WDR6: variants seen among roughly 807,000 people sequenced by gnomAD.
WDR6 encodes the protein tRNA (34-2'-O)-methyltransferase regulator WDR6.
Under a neutral mutation model 85.6 loss-of-function variants are expected in WDR6, and 58 were observed. The ratio of observed to expected loss-of-function variants is 0.68; its 90% CI spans 0.55 to 0.84. WDR6 has a LOEUF of 0.84. WDR6 is among the 40% of genes least tolerant of loss of function. The probability of loss-of-function intolerance (pLI) is 0.00; values close to 1 mark genes in which losing one functional copy is unlikely to be tolerated. For missense variants in WDR6, 1,310 were observed against 1,476.4 expected (o/e 0.89, Z 1.85); for synonymous variants, 569 against 582.2 (o/e 0.98, Z 0.33).
chr3:49,011,325 C>T (rs1408586386), intron 1 of WDR6: 10 of 701,680 alleles, frequency 1.4e-5, no homozygotes, highest in South Asian at 5.3e-5. Flanking sequence ...GTGATTCATC[C>T]GCCTGGGCTT....
At chr3:49,010,675 C>G (rs935893892) in intron 1 of WDR6, among the ~76,000 whole-genome samples, 4 of 151,568 alleles carry the variant, frequency 2.6e-5, no homozygotes, top group Non-Finnish European at 4.4e-5. Flanking sequence ...ACGGTGAAAC[C>G]CTGTCTCTAT....
chr3:49,011,368 C>G (rs1045945941), intron 1 of WDR6: 1 of 1,258,144 alleles, frequency 7.9e-7, no homozygotes, highest in African/African-American at 1.5e-5. Flanking sequence ...CGTGAGCCAC[C>G]GTGCCTGGCC....
rs542924135 is a variant in WDR6, at chr3:49,014,995, G to A, written c.3073G>A (p.Glu1025Lys). 6 of 1,614,188 alleles carry A rather than the reference G, an allele frequency of 3.7e-6. 1 individual carries two copies. The South Asian group carries it at 5.5e-5, about 15-fold the overall frequency. The change falls in exon 6 of 6, where the codon GAG becomes AAG. Residue 1025 changes from glutamate to lysine, a missense_variant. Glu to Lys is a moderately conservative substitution (Grantham distance 56). Transcript: ENST00000608424. The surrounding 1 kb of genome is among the most constrained non-coding windows in gnomAD (Gnocchi z 4.9). ...EMLQLEEAVGEAGLVPQLRVL... is the reference protein window; with the variant it reads ...EMLQLEEAVGKAGLVPQLRVL... ...GCTACAGCTAGAAGAGGCTGTGGGA[G>A]AGGCTGGGCTGGTACCCCAGCTGCG...
Position 49,013,836 on chromosome 3 carries a change from A to C in WDR6, c.2302A>C (p.Thr768Pro). 1 of 1,614,020 alleles carries C rather than the reference A, an allele frequency of 6.2e-7. No homozygotes were observed. Among genetic ancestry groups the C allele is most frequent in the Non-Finnish European group, 8.5e-7 (1 of 1,180,000 alleles). ...PTTTGSAHAL[T>P]AVCNHISSVR... Reference sequence around the variant, plus strand: ...AACCACAGGCTCAGCCCACGCACTCACAGCTGTTTGTAACCATATCTCCTC... The same window carrying C: ...AACCACAGGCTCAGCCCACGCACTCCCAGCTGTTTGTAACCATATCTCCTC... The change falls in exon 2 of 6, where the codon ACA becomes CCA. Residue 768 changes from threonine (T) to proline (P), a missense_variant. Thr to Pro is a conservative substitution (Grantham distance 38). Transcript: ENST00000608424. The surrounding 1 kb of genome is among the most constrained non-coding windows in gnomAD (Gnocchi z 4.6).
In WDR6 at chr3:49,012,074, T is replaced by G. The variant is rs541625563; in HGVS notation, c.540T>G (p.Val180=). Residue 180 remains valine, a synonymous_variant, in exon 2 of 6, where the codon GTT becomes GTG. Transcript: ENST00000608424. This position sits in a 1 kb window ranked among gnomAD's most constrained non-coding sequence, Gnocchi z 4.4. ...WKELTIVAGA[V]SNQLLVWYPA... ...AGCTGACCATAGTGGCAGGTGCTGT[T>G]TCCAACCAGCTCTTGGTCTGGTACC... The G allele has an allele frequency of 4.6e-5, 74 of 1,613,760 alleles. No individual in the cohort carries two copies. The South Asian group carries it at 8.1e-4, about 18-fold the overall frequency.
At chr3:49,010,522 C>T (rs1015212310) in intron 1 of WDR6, among the ~76,000 whole-genome samples, 4 of 151,920 alleles carry the variant, frequency 2.6e-5, no homozygotes, top group African/African-American at 9.7e-5. Context: ...TCGAGACCAG[C>T]GTGGCCAACA....
rs757036832 is a variant in WDR6, at chr3:49,015,785, C to T, written c.*497C>T. 23 of 1,614,010 alleles carry T rather than the reference C, an allele frequency of 1.4e-5. No homozygotes were observed. The highest frequency in any genetic ancestry group is 1.6e-4 in the Middle Eastern group (1 of 6,084). Reference sequence around the variant, plus strand: ...CTATACCTCTCTGCACGTCCCACCCCATTTTGCTGTGTGCTCACCCCCAGG... The same window carrying T: ...CTATACCTCTCTGCACGTCCCACCCTATTTTGCTGTGTGCTCACCCCCAGG... On this transcript the variant is annotated 3_prime_UTR_variant, in exon 6 of 6. Coordinates refer to ENST00000608424, the MANE Select transcript of WDR6 (RefSeq NM_018031.6).
chr3:49,011,394 C>CTT (rs369551484), intron 1 of WDR6: 2,186 of 1,134,710 alleles, frequency 1.9e-3, no homozygotes, highest in South Asian at 3.2e-3. Context: ...CAAGGATTTT[C>CTT]TTTTTTTTTT....
At chr3:49,008,423 C>G (rs1183039088) in intron 1 of WDR6, 1 of 152,220 alleles carries the variant, frequency 6.6e-6, no homozygotes, top group East Asian at 1.9e-4. Flanking sequence ...TGGGGATGAT[C>G]CAGTTTTGAT....
At chr3:49,009,385 C>T (rs1044554886) in intron 1 of WDR6, among the ~76,000 whole-genome samples, 2 of 139,394 alleles carry the variant, frequency 1.4e-5, no homozygotes, top group Non-Finnish European at 1.5e-5. Flanking sequence ...TGCTGCTTAT[C>T]CTTGAATCCT....
At chr3:49,011,410 T>TAG in intron 1 of WDR6, 1 of 1,421,418 alleles carries the variant, frequency 7.0e-7, no homozygotes, top group African/African-American at 1.5e-5. Flanking sequence ...TTTTTTTTTC[T>TAG]TTTGAGACAG....
Position 49,015,740 on chromosome 3 carries a change from C to G in WDR6, c.*452C>G, listed in dbSNP as rs766831505. 6.2e-6 allele frequency: 10 copies of G among 1,614,012 alleles called. No homozygotes were observed. The highest frequency in any genetic ancestry group is 7.6e-6 in the Non-Finnish European group (9 of 1,180,022). ...AGAAAGGGCCTGCTGGTCTCATCCT[C>G]TGCTTCCTTTGCCTTTACCCTATAC... On this transcript the variant is annotated 3_prime_UTR_variant, in exon 6 of 6. Transcript: ENST00000608424.
chr3:49,015,522 G>T lies in WDR6; in HGVS notation c.*234G>T. The T allele has an allele frequency of 6.3e-7, 1 of 1,598,452 alleles. No homozygotes were observed. Among genetic ancestry groups the T allele is most frequent in the South Asian group, 1.1e-5 (1 of 89,654 alleles). On this transcript the variant is annotated 3_prime_UTR_variant, in exon 6 of 6. Coordinates refer to ENST00000608424, the MANE Select transcript of WDR6 (RefSeq NM_018031.6). ...AACAGTACCAATTTATTTTGGCCGT[G>T]GGTTTTTGCTTTTTTTCCAGTTGAT...
chr3:49,011,155 G>T, intron 1 of WDR6: 1 of 430,566 alleles, frequency 2.3e-6, no homozygotes, highest in Admixed American at 2.8e-5. Flanking sequence ...TATGATCTTG[G>T]CTCACTGCAA....
In WDR6 at chr3:49,014,750, C is replaced by CT; in HGVS notation, c.2902+33dup. 6.2e-7 allele frequency: 1 copy of CT among 1,611,666 alleles called. No individual in the cohort carries two copies. Among genetic ancestry groups the CT allele is most frequent in the South Asian group, 1.1e-5 (1 of 90,898 alleles). ...AGCTAATGTGCAACCATGGCTACCC[C>CT]TCCTCACCTGTCACATAGCCCTCAC... is the stretch of plus-strand genomic sequence containing the variant. On this transcript the variant is annotated intron_variant, in intron 5 of 5. Transcript: ENST00000608424. The surrounding 1 kb of genome is among the most constrained non-coding windows in gnomAD (Gnocchi z 4.9).
chr3:49,012,233 T>C lies in WDR6; in HGVS notation c.699T>C (p.Val233=). ...CTACAGCTTCAGAAGACCGAAGCGTTCGTATCTGGAAGGTGGGCGACCTGC... is the reference window on the plus strand; with the variant it reads ...CTACAGCTTCAGAAGACCGAAGCGTCCGTATCTGGAAGGTGGGCGACCTGC... ...LLATASEDRS[V]RIWKVGDLRV... Residue 233 remains valine, a synonymous_variant, in exon 2 of 6, where the codon GTT becomes GTC. Transcript: ENST00000608424. This position sits in a 1 kb window ranked among gnomAD's most constrained non-coding sequence, Gnocchi z 4.4. 1.2e-6 allele frequency: 2 copies of C among 1,614,224 alleles called. No individual in the cohort carries two copies. The highest frequency in any genetic ancestry group is 2.2e-5 in the South Asian group (2 of 91,086).
At position 49,014,755 on chromosome 3, in the gene WDR6, C is replaced by T; in HGVS notation, c.2902+37C>T. On this transcript the variant is annotated intron_variant, in intron 5 of 5. Transcript: ENST00000608424. This position sits in a 1 kb window ranked among gnomAD's most constrained non-coding sequence, Gnocchi z 4.9. ...ATGTGCAACCATGGCTACCCCTCCT[C>T]ACCTGTCACATAGCCCTCACACATG... is the stretch of plus-strand genomic sequence containing the variant. 2.5e-6 allele frequency: 4 copies of T among 1,611,562 alleles called. No individual in the cohort carries two copies. Among genetic ancestry groups the T allele is most frequent in the South Asian group, 1.1e-5 (1 of 90,856 alleles).
rs758072825 is a variant in WDR6, at chr3:49,014,289, G to GT, written c.2663dup (p.Arg889LysfsTer17). On this transcript the variant is annotated frameshift_variant, in exon 3 of 6. Transcript: ENST00000608424. LOFTEE classifies it high-confidence loss of function. The surrounding 1 kb of genome is among the most constrained non-coding windows in gnomAD (Gnocchi z 4.9). Reference sequence around the variant, plus strand: ...GGCTGCAGCCTGTAGTGATGGGGCCGTAAGGTGAGAGCATAGGGCCCAGTG... The same window carrying GT: ...GGCTGCAGCCTGTAGTGATGGGGCCGTTAAGGTGAGAGCATAGGGCCCAGTG... 1 of 1,614,040 alleles carries GT rather than the reference G, an allele frequency of 6.2e-7. No homozygotes were observed. Among genetic ancestry groups the GT allele is most frequent in the Non-Finnish European group, 8.5e-7 (1 of 1,180,034 alleles).
Position 49,013,094 on chromosome 3 carries a change from C to T in WDR6, c.1560C>T (p.Ser520=), listed in dbSNP as rs1274035719. The T allele has an allele frequency of 1.2e-6, 2 of 1,609,822 alleles. No homozygotes were observed. The highest frequency in any genetic ancestry group is 3.3e-5 in the Admixed American group (2 of 59,854). The part of the protein sequence containing the change: ...DRRGSVLLFP[S]RPGLLKDPGV... ...GGGGCTCTGTGCTGCTATTCCCCTC[C>T]AGACCAGGTCTGCTCAAGGACCCTG... The change falls in exon 2 of 6, where the codon TCC becomes TCT. Residue 520 remains serine, a synonymous_variant. Transcript: ENST00000608424. This position sits in a 1 kb window ranked among gnomAD's most constrained non-coding sequence, Gnocchi z 4.6.
Sources: gnomAD v4.1 joint callset for allele counts (sites outside exome capture counted in the v4.1 genomes callset) on GRCh38, gnomAD v4.1.1 for gene constraint, Gnocchi (gnomAD v3.1) non-coding constraint, MANE v1.5 for transcripts, NCBI Gene and HGNC (gene_info 2026-07-23, HGNC 2026-07-21) for gene names.